GABRB1: variants seen among roughly 807,000 people sequenced by gnomAD.
GABRB1 encodes gamma-aminobutyric acid type A receptor subunit beta1.
In GABRB1, 17 loss-of-function variants were observed where a neutral mutation model predicts 51.6. That is an observed-to-expected ratio of 0.33 (90% CI 0.23 to 0.49). The LOEUF (loss-of-function observed/expected upper bound fraction) is 0.49. Ranked by LOEUF, GABRB1 falls within the 20% of genes least tolerant of loss-of-function variation. The pLI is 0.99. For synonymous variants in GABRB1, 247 were observed against 218.9 expected, an observed-to-expected ratio of 1.13 and a Z score of -1.14; for missense variants, 410 against 600.6, an observed-to-expected ratio of 0.68 and a Z score of 3.32.
intron 4 of GABRB1, among the ~76,000 whole-genome samples, chr4:47,198,043 A>G: frequency 6.6e-6 from 1 of 152,186 alleles, no homozygotes; most frequent in Non-Finnish European, 1.5e-5. Context: ...GGCAGCGGAA[A>G]GAGATTGCCT....
chr4:47,395,397 G>C (rs894504897), intron 5 of GABRB1, among the ~76,000 whole-genome samples: 3 of 152,088 alleles, frequency 2.0e-5, no homozygotes, highest in Non-Finnish European at 4.4e-5. Context: ...GATCACATTC[G>C]AACTCATTCG....
chr4:47,261,210 C>G (rs1241040352), intron 4 of GABRB1, among the ~76,000 whole-genome samples: 1 of 151,780 alleles, frequency 6.6e-6, no homozygotes, highest in Non-Finnish European at 1.5e-5. Context: ...GGCAATTAGG[C>G]AGAAGGAAAT....
chr4:47,246,120 G>C (rs964925982), intron 4 of GABRB1, among the ~76,000 whole-genome samples: 1 of 147,830 alleles, frequency 6.8e-6, no homozygotes, highest in Non-Finnish European at 1.5e-5. Context: ...TTATGCCTTT[G>C]CATCCTCATA....
chr4:47,330,671 A>G (rs1488442989), intron 5 of GABRB1, among the ~76,000 whole-genome samples: 2 of 152,190 alleles, frequency 1.3e-5, no homozygotes, highest in Admixed American at 6.6e-5. Context: ...GTTTAATTTT[A>G]TAAACTTCAA....
At chr4:47,135,295 G>A (rs551369585) in intron 3 of GABRB1, among the ~76,000 whole-genome samples, 7 of 152,006 alleles carry the variant, frequency 4.6e-5, no homozygotes, top group South Asian at 2.1e-4. Flanking sequence ...ACATGTATGC[G>A]GAGATAGCCT....
chr4:47,032,700 C>T (rs528175862), intron 3 of GABRB1: 7 of 711,484 alleles, frequency 9.8e-6, no homozygotes, highest in East Asian at 5.4e-5. Context: ...GAAACGTGCT[C>T]GGCACTATTT....
At chr4:47,059,852 T>C (rs1726771821) in intron 3 of GABRB1, among the ~76,000 whole-genome samples, 2 of 152,210 alleles carry the variant, frequency 1.3e-5, no homozygotes, top group African/African-American at 2.4e-5. Context: ...AAGCCTCTTA[T>C]TCAACCGCTT....
At chr4:46,996,111 A>G (rs1021286970) in intron 1 of GABRB1, among the ~76,000 whole-genome samples, 3 of 149,042 alleles carry the variant, frequency 2.0e-5, no homozygotes, top group African/African-American at 7.4e-5. Flanking sequence ...CTGAAAAGTT[A>G]TAATTTACTT....
At chr4:47,008,952 C>T (rs112543152) in intron 1 of GABRB1, among the ~76,000 whole-genome samples, 63 of 138,132 alleles carry the variant, frequency 4.6e-4, no homozygotes, top group African/African-American at 1.4e-3. Flanking sequence ...CAAGCTCCTC[C>T]TCCCGGGTTC....
At chr4:47,017,520 A>C (rs1724785334) in intron 1 of GABRB1, among the ~76,000 whole-genome samples, 1 of 152,198 alleles carries the variant, frequency 6.6e-6, no homozygotes, top group South Asian at 2.1e-4. Context: ...CCAAAGGCTA[A>C]ATCCAAATAA....
At chr4:47,355,270 C>T in intron 5 of GABRB1, among the ~76,000 whole-genome samples, 1 of 152,024 alleles carries the variant, frequency 6.6e-6, no homozygotes, top group Non-Finnish European at 1.5e-5. Flanking sequence ...CGTGAGCCAC[C>T]ACACATGGCC....
chr4:47,200,737 T>G (rs1194378807), intron 4 of GABRB1, among the ~76,000 whole-genome samples: 1 of 152,216 alleles, frequency 6.6e-6, no homozygotes, highest in African/African-American at 2.4e-5. Context: ...TGCCTTAAAA[T>G]AGCTGTATAT....
intron 3 of GABRB1, among the ~76,000 whole-genome samples, chr4:47,112,777 G>T (rs892371878): frequency 2.0e-5 from 3 of 151,778 alleles, no homozygotes; most frequent in African/African-American, 7.3e-5. Flanking sequence ...CCTGCCTTGT[G>T]GAGCTTATAT....
intron 4 of GABRB1, among the ~76,000 whole-genome samples, chr4:47,278,462 A>G (rs1723162858): frequency 6.6e-6 from 1 of 152,152 alleles, no homozygotes; most frequent in South Asian, 2.1e-4. Context: ...ATCTTCTTCA[A>G]GAGGGATTTG....
At chr4:47,258,492 C>T (rs1424651500) in intron 4 of GABRB1, among the ~76,000 whole-genome samples, 1 of 152,002 alleles carries the variant, frequency 6.6e-6, no homozygotes. Context: ...GCAATGTGGC[C>T]ACCATCAATT....
At chr4:47,257,294 C>T (rs1454112920) in intron 4 of GABRB1, among the ~76,000 whole-genome samples, 1 of 152,188 alleles carries the variant, frequency 6.6e-6, no homozygotes, top group African/African-American at 2.4e-5. Flanking sequence ...AACAGCCCTT[C>T]TGTTCCTAGA....
chr4:47,317,219 C>T (rs936095183), intron 4 of GABRB1, among the ~76,000 whole-genome samples: 4 of 151,934 alleles, frequency 2.6e-5, no homozygotes, highest in Non-Finnish European at 5.9e-5. Flanking sequence ...AGATATATTT[C>T]CAAATGTCCC....
chr4:47,092,045 T>G (rs1334830030), intron 3 of GABRB1, among the ~76,000 whole-genome samples: 3 of 152,162 alleles, frequency 2.0e-5, no homozygotes, highest in African/African-American at 7.2e-5. Flanking sequence ...ACCCCTTTCT[T>G]TATAGCATTT....
At chr4:47,194,831 T>C (rs1395928231) in intron 4 of GABRB1, among the ~76,000 whole-genome samples, 1 of 152,168 alleles carries the variant, frequency 6.6e-6, no homozygotes, top group African/African-American at 2.4e-5. Context: ...GGATATTAAG[T>C]TCCTTAAATA....
Sources: allele counts gnomAD v4.1 joint callset (sites outside exome capture counted in the v4.1 genomes callset), GRCh38; gene constraint gnomAD v4.1.1; transcripts MANE v1.5; gene names NCBI Gene and HGNC (gene_info 2026-07-23, HGNC 2026-07-21).